The following SLC25A21 variants were observed in gnomAD, a reference collection of about 807,000 sequenced individuals.
SLC25A21 encodes mitochondrial 2-oxodicarboxylate carrier.
Under a neutral mutation model 43.8 loss-of-function variants are expected in SLC25A21, and 47 were observed. The observed-to-expected ratio is 1.07, with a 90% CI of 0.85 to 1.37. SLC25A21 has a LOEUF of 1.37. Ranked by LOEUF, SLC25A21 falls within the 40% of genes most tolerant of loss-of-function variation. The pLI is 0.00. For missense variants in SLC25A21, 352 were observed against 350.2 expected (o/e 1.00, Z -0.04); for synonymous variants, 131 against 121.3 (o/e 1.08, Z -0.52).
At chr14:36,706,803 T>A (rs1566519151) in intron 7 of SLC25A21, among the ~76,000 whole-genome samples, 1 of 152,152 alleles carries the variant, frequency 6.6e-6, no homozygotes, top group Non-Finnish European at 1.5e-5. Flanking sequence ...GACGCTATAG[T>A]CCAAGACCCC....
intron 3 of SLC25A21, among the ~76,000 whole-genome samples, chr14:36,742,171 T>C (rs929633782): frequency 1.3e-5 from 2 of 152,216 alleles, no homozygotes; most frequent in African/African-American, 4.8e-5. Context: ...TTTGTTGTTT[T>C]CTTCCTCTTT....
chr14:37,087,329 C>T (rs1418173060), intron 1 of SLC25A21, among the ~76,000 whole-genome samples: 1 of 152,134 alleles, frequency 6.6e-6, no homozygotes, highest in Non-Finnish European at 1.5e-5. Flanking sequence ...AAAAGGTTGT[C>T]TTCCTTGGCA....
intron 1 of SLC25A21, among the ~76,000 whole-genome samples, chr14:37,033,511 A>G (rs1848906751): frequency 6.6e-6 from 1 of 152,240 alleles, no homozygotes; most frequent in African/African-American, 2.4e-5. Context: ...AACAAAGTCC[A>G]TCCATCAGCT....
chr14:36,969,723 C>A (rs988586348), intron 1 of SLC25A21, among the ~76,000 whole-genome samples: 1 of 151,998 alleles, frequency 6.6e-6, no homozygotes, highest in East Asian at 1.9e-4. Context: ...AACTCTTGGG[C>A]TCAGGCCATC....
chr14:37,162,808 T>A (rs1963968173), intron 1 of SLC25A21, among the ~76,000 whole-genome samples: 1 of 152,182 alleles, frequency 6.6e-6, no homozygotes, highest in South Asian at 2.1e-4. Flanking sequence ...CCCAAAGGAC[T>A]ATAAATCATG....
intron 3 of SLC25A21, among the ~76,000 whole-genome samples, chr14:36,793,117 A>T (rs994353511): frequency 6.6e-6 from 1 of 152,202 alleles, no homozygotes; most frequent in Non-Finnish European, 1.5e-5. Context: ...ACATAGGTGC[A>T]CATGTTTAGT....
chr14:36,930,092 T>C (rs976944139), intron 1 of SLC25A21, among the ~76,000 whole-genome samples: 2 of 152,114 alleles, frequency 1.3e-5, no homozygotes, highest in Non-Finnish European at 2.9e-5. Flanking sequence ...GCACCAGACA[T>C]GGGAGTTAGG....
At chr14:37,020,381 G>C (rs77514834) in intron 1 of SLC25A21, among the ~76,000 whole-genome samples, 3 of 150,706 alleles carry the variant, frequency 2.0e-5, no homozygotes, top group Non-Finnish European at 4.4e-5. Flanking sequence ...ATGAAACTTA[G>C]TATTTCCCAT....
intron 1 of SLC25A21, among the ~76,000 whole-genome samples, chr14:36,950,406 G>A (rs1007047745): frequency 1.3e-5 from 2 of 152,104 alleles, no homozygotes; most frequent in African/African-American, 2.4e-5. Context: ...TTTATAAGAA[G>A]AGGAAGAAAT....
chr14:37,013,189 A>G (rs1394845535), intron 1 of SLC25A21, among the ~76,000 whole-genome samples: 1 of 152,196 alleles, frequency 6.6e-6, no homozygotes, highest in Non-Finnish European at 1.5e-5. Flanking sequence ...GCTTTCTCCC[A>G]CTGAAATCTG....
At chr14:37,169,041 T>C (rs1964077321) in intron 1 of SLC25A21, among the ~76,000 whole-genome samples, 1 of 152,096 alleles carries the variant, frequency 6.6e-6, no homozygotes, top group Non-Finnish European at 1.5e-5. Flanking sequence ...CCCATGTAGG[T>C]TACAGCTGCA....
rs572828799 is a variant in SLC25A21, at chr14:36,804,465, C to T, written c.203+9453G>A. Among the ~76,000 whole-genome samples the T allele has an allele frequency of 3.9e-5, 6 of 152,326 alleles. No individual in the cohort carries two copies. The East Asian group carries it at 1.2e-3, about 29-fold the overall frequency. On this transcript the variant is annotated intron_variant, in intron 3 of 9. Coordinates refer to ENST00000331299, the MANE Select transcript of SLC25A21 (RefSeq NM_030631.4). ...TAACAACCCTTACTTGTTTCTTCACCAGAAAACTAGAACTGTACTCCTCAT... is the reference window on the plus strand; with the variant it reads ...TAACAACCCTTACTTGTTTCTTCACTAGAAAACTAGAACTGTACTCCTCAT...
At chr14:37,025,260 A>G (rs1961069445) in intron 1 of SLC25A21, among the ~76,000 whole-genome samples, 1 of 152,292 alleles carries the variant, frequency 6.6e-6, no homozygotes, top group South Asian at 2.1e-4. Context: ...TACTTTGCTC[A>G]TTTCTAAAAT....
chr14:37,030,921 C>T (rs1022889078), intron 1 of SLC25A21, among the ~76,000 whole-genome samples: 1 of 152,150 alleles, frequency 6.6e-6, no homozygotes, highest in Non-Finnish European at 1.5e-5. Context: ...GCTTTTCTAC[C>T]TCCTTTGTTT....
chr14:37,163,577 T>C (rs1206897015), intron 1 of SLC25A21, among the ~76,000 whole-genome samples: 2 of 151,894 alleles, frequency 1.3e-5, no homozygotes, highest in African/African-American at 4.8e-5. Flanking sequence ...AAAAAGGAAA[T>C]TGGTAAGAAA....
At chr14:36,745,371 G>C (rs1265344558) in intron 3 of SLC25A21, among the ~76,000 whole-genome samples, 1 of 152,114 alleles carries the variant, frequency 6.6e-6, no homozygotes, top group East Asian at 1.9e-4. Flanking sequence ...GAATGGGATG[G>C]CTGGGTCAAA....
chr14:36,821,820 A>T lies in SLC25A21; in HGVS notation c.120-7819T>A, dbSNP rs552422084. Among the ~76,000 whole-genome samples, 62 of 151,686 alleles carry T rather than the reference A, an allele frequency of 4.1e-4. No homozygotes were observed. The South Asian group carries it at 7.9e-3, about 19-fold the overall frequency. On this transcript the variant is annotated intron_variant, in intron 2 of 9. Coordinates refer to ENST00000331299, the MANE Select transcript of SLC25A21 (RefSeq NM_030631.4). Reference sequence around the variant, plus strand: ...CGACAGTGCGAGATTCTGTCTCAAAAACAAAACAAAACAAAACAAAACACC... The same window carrying T: ...CGACAGTGCGAGATTCTGTCTCAAATACAAAACAAAACAAAACAAAACACC...
At chr14:36,740,011 G>C (rs1885190278) in intron 3 of SLC25A21, among the ~76,000 whole-genome samples, 1 of 152,226 alleles carries the variant, frequency 6.6e-6, no homozygotes, top group Admixed American at 6.5e-5. Flanking sequence ...AGGAAGAAAA[G>C]TCCTGTCTTC....
chr14:36,861,102 C>G (rs1442315129), intron 2 of SLC25A21, among the ~76,000 whole-genome samples: 1 of 152,112 alleles, frequency 6.6e-6, no homozygotes, highest in Non-Finnish European at 1.5e-5. Flanking sequence ...TCAGCTGTGC[C>G]CTGACTGCAA....
Sources: gnomAD v4.1 joint callset for allele counts (sites outside exome capture counted in the v4.1 genomes callset) on GRCh38, gnomAD v4.1.1 for gene constraint, MANE v1.5 for transcripts, NCBI Gene and HGNC (gene_info 2026-07-23, HGNC 2026-07-21) for gene names.